ANKRD6: variants seen among roughly 807,000 people sequenced by gnomAD.
ANKRD6 encodes the protein ankyrin repeat domain 6, also known as ankyrin repeat domain-containing protein 6.
A neutral mutation model predicts 82.3 loss-of-function variants in ANKRD6; 56 were observed. That is an observed-to-expected ratio of 0.68 (90% confidence interval 0.55 to 0.85). The LOEUF is 0.85. Ranked by LOEUF, ANKRD6 falls within the 40% of genes least tolerant of loss-of-function variation. The pLI is 0.00. For missense variants in ANKRD6, 852 were observed against 907.6 expected (o/e 0.94, Z 0.79); for synonymous variants, 347 against 352.1 (o/e 0.99, Z 0.16).
intron 1 of ANKRD6, among the ~76,000 whole-genome samples, chr6:89,531,833 TAGAA>T (rs1783189416): frequency 6.6e-6 from 1 of 152,236 alleles, no homozygotes; most frequent in Non-Finnish European, 1.5e-5. Flanking sequence ...AAAGATTTAG[TAGAA>T]AGAATTGGCT....
At chr6:89,444,129 G>A (rs1269368546) in intron 1 of ANKRD6, among the ~76,000 whole-genome samples, 1 of 152,180 alleles carries the variant, frequency 6.6e-6, no homozygotes, top group Admixed American at 6.5e-5. Context: ...TTTGATGAGA[G>A]GAAGGACCTA....
In ANKRD6 at chr6:89,630,467, A is replaced by C. The variant is rs750502036; in HGVS notation, c.1647A>C (p.Ala549=). ...VDQLVVTAGP[A]AASDSSPPVV... is the part of the protein sequence containing the mutation. ...AATTAGTGGTGACTGCAGGTCCAGC[A>C]GCAGCTTCCGACAGCTCCCCTCCAG... Residue 549 remains alanine (A), a synonymous_variant, in exon 16 of 16, where the codon GCA becomes GCC. Transcript: ENST00000339746. 3.1e-6 allele frequency: 5 copies of C among 1,613,616 alleles called. No individual in the cohort carries two copies. The highest frequency in any genetic ancestry group is 4.2e-6 in the Non-Finnish European group (5 of 1,179,756).
At chr6:89,623,759 G>T in intron 11 of ANKRD6, 113 bp from the exon 12 acceptor site, 2 of 1,301,796 alleles carry the variant, frequency 1.5e-6, no homozygotes, top group Non-Finnish European at 2.1e-6. Context: ...GACACCATGA[G>T]GTGAAACAAA....
intron 1 of ANKRD6, among the ~76,000 whole-genome samples, chr6:89,486,988 C>T (rs907231659): frequency 2.6e-4 from 40 of 152,110 alleles, no homozygotes; most frequent in Non-Finnish European, 5.3e-4. Flanking sequence ...GGGGGGTGGA[C>T]ACAAACATTC....
chr6:89,598,455 T>TAAC (rs1330241743), intron 3 of ANKRD6: 30 of 980,882 alleles, frequency 3.1e-5, no homozygotes, highest in African/African-American at 5.3e-5. Flanking sequence ...TTTACACACC[T>TAAC]AACCTGTCTT....
chr6:89,518,499 C>T (rs910463292), intron 1 of ANKRD6, among the ~76,000 whole-genome samples: 2 of 152,004 alleles, frequency 1.3e-5, no homozygotes, highest in African/African-American at 4.8e-5. Flanking sequence ...AACAACAGAG[C>T]TTGACCTAAG....
chr6:89,572,966 G>A (rs1790271043), intron 2 of ANKRD6, among the ~76,000 whole-genome samples: 1 of 152,132 alleles, frequency 6.6e-6, no homozygotes, highest in Non-Finnish European at 1.5e-5. Flanking sequence ...CAGTTTGTTT[G>A]TTTGTTTGTT....
intron 1 of ANKRD6, among the ~76,000 whole-genome samples, chr6:89,510,761 T>A (rs560534387): frequency 7.2e-4 from 110 of 152,220 alleles, no homozygotes; most frequent in Admixed American, 2.7e-3. Context: ...TTTCTGGACA[T>A]TTTATATAAA....
intron 1 of ANKRD6, among the ~76,000 whole-genome samples, chr6:89,552,272 A>C (rs1785959200): frequency 6.6e-6 from 1 of 152,196 alleles, no homozygotes; most frequent in African/African-American, 2.4e-5. Context: ...GTCAGAGTCC[A>C]CCAGGTTAGA....
At chr6:89,570,996 A>G (rs909187834) in intron 2 of ANKRD6, among the ~76,000 whole-genome samples, 3 of 152,216 alleles carry the variant, frequency 2.0e-5, no homozygotes, top group African/African-American at 4.8e-5. Flanking sequence ...AGTGCTACCA[A>G]CAGTGCACAA....
intron 1 of ANKRD6, among the ~76,000 whole-genome samples, chr6:89,556,094 G>T (rs9451243): frequency 6.6e-6 from 1 of 152,100 alleles, no homozygotes; most frequent in African/African-American, 2.4e-5. Context: ...AGCAAACACC[G>T]CCAGCAGTCT....
At chr6:89,493,179 T>C (rs950858331) in intron 1 of ANKRD6, among the ~76,000 whole-genome samples, 1 of 152,184 alleles carries the variant, frequency 6.6e-6, no homozygotes, top group African/African-American at 2.4e-5. Flanking sequence ...CAGAAATATA[T>C]TCTCCCAGAG....
chr6:89,443,075 CAT>C lies in ANKRD6; in HGVS notation c.-144+9701_-144+9702del, dbSNP rs556243007. On this transcript the variant is annotated intron_variant, in intron 1 of 15. Transcript: ENST00000339746. ...TACTTTGATTTTCTTCTTTATCTGT[CAT>C]GTGATACTAGAGTCAGATTGGAAAT... Among the ~76,000 whole-genome samples the C allele has an allele frequency of 2.0e-5, 3 of 152,264 alleles. No individual in the cohort carries two copies. In the East Asian group the frequency reaches 5.8e-4, roughly 29 times the overall value.
intron 1 of ANKRD6, among the ~76,000 whole-genome samples, chr6:89,442,856 G>A (rs1178156135): frequency 3.3e-5 from 5 of 152,078 alleles, no homozygotes; most frequent in Admixed American, 3.3e-4. Context: ...GACCACAGAT[G>A]GCAGATGTTT....
intron 1 of ANKRD6, among the ~76,000 whole-genome samples, chr6:89,465,510 A>G (rs1288693733): frequency 6.6e-6 from 1 of 152,094 alleles, no homozygotes; most frequent in East Asian, 1.9e-4. Context: ...TCTGGGCTCC[A>G]TGACTGCATG....
rs202160223 is a variant in ANKRD6, at chr6:89,630,664, A to G, written c.1844A>G (p.Asn615Ser). 3.1e-4 allele frequency: 498 copies of G among 1,613,896 alleles called. 1 individual carries two copies. The highest frequency in any genetic ancestry group is 4.9e-4 in the Middle Eastern group (3 of 6,084). ...GATCAGCAGGCTGGGCCCTGCGTCA[A>G]CAGAGGCACTCAAACTAAGAAGTCT... ...RSDQQAGPCV[N>S]RGTQTKKSGK... Residue 615 changes from asparagine (N) to serine (S), a missense_variant, in exon 16 of 16, where the codon AAC (asparagine) becomes AGC (serine). Asn to Ser is a conservative substitution (Grantham distance 46). Coordinates refer to ENST00000339746, the MANE Select transcript of ANKRD6 (RefSeq NM_001242809.2).
At chr6:89,604,519 T>G (rs570758084) in intron 4 of ANKRD6, among the ~76,000 whole-genome samples, 1 of 152,268 alleles carries the variant, frequency 6.6e-6, no homozygotes, top group African/African-American at 2.4e-5. Context: ...TGCTTTACTT[T>G]TTAAAAATAA....
At position 89,628,894 on chromosome 6, in the gene ANKRD6, A is replaced by C; in HGVS notation, c.1486-218A>C. The stretch of plus-strand genomic sequence containing the variant: ...ACACAAACACCTCCCATGAGGCCCC[A>C]CCTCCAACACTGGGGATCAAATTTC... On this transcript the variant is annotated intron_variant, in intron 14 of 15. Coordinates refer to ENST00000339746, the MANE Select transcript of ANKRD6 (RefSeq NM_001242809.2). The C allele has an allele frequency of 5.6e-6, 3 of 535,504 alleles. No homozygotes were observed. The South Asian group carries it at 6.2e-5, about 11-fold the overall frequency. 33.2% of individuals were successfully genotyped at this position (535,504 alleles called of 1,614,324 possible).
chr6:89,564,808 A>G (rs903772466), intron 1 of ANKRD6, among the ~76,000 whole-genome samples: 1 of 151,842 alleles, frequency 6.6e-6, no homozygotes, highest in Non-Finnish European at 1.5e-5. Context: ...AGGTTCTAGA[A>G]TGGAAGGGGG....
Sources: allele counts gnomAD v4.1 joint callset (sites outside exome capture counted in the v4.1 genomes callset), GRCh38; gene constraint gnomAD v4.1.1; transcripts MANE v1.5; gene names NCBI Gene and HGNC (gene_info 2026-07-23, HGNC 2026-07-21).